Variants in COL9A3 observed in about 807,000 individuals in gnomAD.
COL9A3 encodes the protein collagen type IX alpha 3 chain, also known as collagen alpha-3(IX) chain.
A neutral mutation model predicts 110.2 loss-of-function variants in COL9A3; 82 were observed. The ratio of observed to expected loss-of-function variants is 0.74; its 90% CI spans 0.62 to 0.89. The LOEUF is 0.89. Among genes scored for constraint, COL9A3 ranks in the 40% least tolerant of loss-of-function variants. COL9A3 has a pLI of 0.00. For missense variants in COL9A3, 1,066 were observed against 981.3 expected (o/e 1.09, Z -1.15); for synonymous variants, 494 against 403.8 (o/e 1.22, Z -2.68).
chr20:62,817,498 G>A, intron 1 of COL9A3, 69 bp from the exon 2 acceptor site: 1 of 1,157,716 alleles, frequency 8.6e-7, no homozygotes, highest in South Asian at 1.3e-5. Flanking sequence ...CTCGGGACCC[G>A]GGAGGAGGGG....
chr20:62,836,339 TCGCTTTTCC>T lies in COL9A3; in HGVS notation c.1548+7_1548+15del. 1 of 1,613,750 alleles carries T rather than the reference TCGCTTTTCC, an allele frequency of 6.2e-7. No homozygotes were observed. The highest frequency in any genetic ancestry group is 8.5e-7 in the Non-Finnish European group (1 of 1,180,000). Reference sequence around the variant, plus strand: ...CGGGGAAGCCGGGAGTTCCGGTACGTCGCTTTTCCGGCTTTTCCAGCTTTCACAGGGTTG... The same window carrying T: ...CGGGGAAGCCGGGAGTTCCGGTACGTGGCTTTTCCAGCTTTCACAGGGTTG... On this transcript the variant is annotated splice_region_variant and intron_variant, in intron 28 of 31. Transcript: ENST00000649368.
rs761414928 is a variant in COL9A3 at position 62,824,993 on chromosome 20, A to G, written c.602A>G (p.Gln201Arg). 2.5e-6 allele frequency: 4 copies of G among 1,605,510 alleles called. No individual in the cohort carries two copies. Among genetic ancestry groups the G allele is most frequent in the South Asian group, 1.1e-5 (1 of 90,548 alleles). Residue 201 changes from glutamine (Q) to arginine (R), a missense_variant, in exon 12 of 32, where the codon CAG becomes CGG. By Grantham distance (43) the Gln-to-Arg change is conservative. Transcript: ENST00000649368. ...GGACCCACTGGCTACAAAGGCGAGCAGGGGGAAGTCGGCAAGGACGGCGAG... is the reference window on the plus strand; with the variant it reads ...GGACCCACTGGCTACAAAGGCGAGCGGGGGGAAGTCGGCAAGGACGGCGAG... ...FKGPTGYKGE[Q>R]GEVGKDGEKG...
intron 25 of COL9A3, among the ~76,000 whole-genome samples, chr20:62,832,631 C>T (rs1399275185): frequency 8.5e-6 from 1 of 117,690 alleles, no homozygotes; most frequent in Non-Finnish European, 2.0e-5. Flanking sequence ...GTTCGAAGCA[C>T]TCTTCTTTTT....
chr20:62,835,150 G>A (rs868436161), intron 26 of COL9A3, among the ~76,000 whole-genome samples: 1 of 152,248 alleles, frequency 6.6e-6, no homozygotes, highest in Non-Finnish European at 1.5e-5. Context: ...GGGCCCGGTC[G>A]GTCCCTCTGC....
At chr20:62,819,130 G>C in intron 3 of COL9A3, 92 bp from the exon 4 acceptor site, 6 of 1,271,140 alleles carry the variant, frequency 4.7e-6, no homozygotes, top group African/African-American at 1.5e-5. Flanking sequence ...GGTTGGGCTG[G>C]GGGGAAGTGG....
At chr20:62,824,654 G>C (rs922402281) in intron 11 of COL9A3, among the ~76,000 whole-genome samples, 153 bp downstream of exon 11, 1 of 152,314 alleles carries the variant, frequency 6.6e-6, no homozygotes, top group Non-Finnish European at 1.5e-5. Flanking sequence ...TCCTTGTCCC[G>C]CCTTCAGCAC....
Position 62,818,607 on chromosome 20 carries a change from G to T in COL9A3, c.183+54G>T. On this transcript the variant is annotated intron_variant, in intron 3 of 31. Coordinates refer to ENST00000649368, the MANE Select transcript of COL9A3 (RefSeq NM_001853.4). ...TTTTTCCAGTCTGGAGAGAAAGGGG[G>T]AACTCAGAACAGAGGGGTCATTGAT... 17 of 1,543,964 alleles carry T rather than the reference G, an allele frequency of 1.1e-5. No homozygotes were observed. In the South Asian group the frequency reaches 1.8e-4, roughly 16 times the overall value.
chr20:62,829,096 C>A, intron 19 of COL9A3, 120 bp downstream of exon 19: 1 of 1,142,042 alleles, frequency 8.8e-7, no homozygotes, highest in African/African-American at 1.5e-5. Flanking sequence ...GGTTCTGGGG[C>A]CTGTGTCCAT....
At position 62,830,658 on chromosome 20, in the gene COL9A3, ATG is replaced by A. The variant is rs2063588956; in HGVS notation, c.1287+71_1287+72del. ...CCATGTACCACAGTCCCCCACCCCC[ATG>A]ACAGTCCCCCAACCCCCACCACAGT... On this transcript the variant is annotated intron_variant, in intron 24 of 31. Coordinates refer to ENST00000649368, the MANE Select transcript of COL9A3 (RefSeq NM_001853.4). 1.6e-5 allele frequency: 4 copies of A among 251,922 alleles called. 2 individuals carry two copies. The highest frequency in any genetic ancestry group is 2.1e-5 in the Non-Finnish European group (4 of 190,972). 15.6% of individuals were successfully genotyped at this position (251,922 alleles called of 1,614,324 possible).
At position 62,837,163 on chromosome 20, in the gene COL9A3, C is replaced by T. The variant is rs750055357; in HGVS notation, c.1684C>T (p.Pro562Ser). ...TGGTCGGCCCGGTCCAGCTGGCCCC[C>T]CTGGGCCCCCAGGACCCCCAGGCTC... ...SIGRPGPAGP[P>S]GPPGPPGSIG... Residue 562 changes from proline (P) to serine (S), a missense_variant, in exon 30 of 32, where the codon CCT becomes TCT. Pro to Ser is a moderately conservative substitution (Grantham distance 74, BLOSUM62 -1). Coordinates refer to ENST00000649368, the MANE Select transcript of COL9A3 (RefSeq NM_001853.4). The T allele has an allele frequency of 2.5e-6, 4 of 1,613,004 alleles. No individual in the cohort carries two copies. The highest frequency in any genetic ancestry group is 3.4e-6 in the Non-Finnish European group (4 of 1,179,838).
chr20:62,835,788 G>T, intron 26 of COL9A3, 133 bp from the exon 27 acceptor site: 1 of 899,832 alleles, frequency 1.1e-6, no homozygotes, highest in Non-Finnish European at 1.9e-6. Flanking sequence ...AGAACGGAAG[G>T]AACCACTGTC....
At position 62,837,264 on chromosome 20, in the gene COL9A3, A is replaced by T; in HGVS notation, c.1785A>T (p.Arg595Ser). 6.2e-7 allele frequency: 1 copy of T among 1,609,578 alleles called. No homozygotes were observed. Residue 595 changes from arginine to serine, a missense_variant and splice_region_variant, in exon 30 of 32, where the codon AGA becomes AGT. Physicochemically the swap from Arg to Ser is moderately radical, Grantham distance 110. Transcript: ENST00000649368. ...PTGELGDPGP[R>S]GNQGDRGDKG... The stretch of plus-strand genomic sequence containing the variant: ...GGGAGCTGGGAGACCCCGGGCCCAG[A>T]GGTGAGTGTTTGACCCCATGACACG...
chr20:62,826,782 C>T lies in COL9A3; in HGVS notation c.754C>T (p.Arg252Ter). 2.5e-6 allele frequency: 4 copies of T among 1,612,794 alleles called. No individual in the cohort carries two copies. The highest frequency in any genetic ancestry group is 1.3e-5 in the African/African-American group (1 of 75,046). The change falls in exon 15 of 32, where the codon CGA becomes TGA. Residue 252 changes from arginine (R) to a stop codon, truncating the protein, a stop_gained. Coordinates refer to ENST00000649368, the MANE Select transcript of COL9A3 (RefSeq NM_001853.4). LOFTEE classifies it high-confidence loss of function. ...TCCTCTGCAGGGTCCCATTGGGTTC[C>T]GAGGGCCGCCTGGGATCCCAGGAGC... Reference protein sequence around the residue: ...PPGDRGPIGFRGPPGIPGAPG... With the variant: ...PPGDRGPIGF
intron 17 of COL9A3, 125 bp from the exon 18 acceptor site, chr20:62,828,639 C>G: frequency 9.0e-7 from 1 of 1,106,306 alleles, no homozygotes; most frequent in Non-Finnish European, 1.3e-6. Flanking sequence ...AACCAGATAA[C>G]TGCCAGGGTG....
Position 62,840,893 on chromosome 20 carries a change from A to G in COL9A3, c.*161A>G. 2.7e-6 allele frequency: 2 copies of G among 737,694 alleles called. No individual in the cohort carries two copies. Among genetic ancestry groups the G allele is most frequent in the South Asian group, 1.7e-5 (1 of 58,910 alleles). The allele number at this position is 737,694 out of a possible 1,614,324, so 45.7% of individuals were successfully genotyped here. On this transcript the variant is annotated 3_prime_UTR_variant, in exon 32 of 32. Transcript: ENST00000649368. The stretch of plus-strand genomic sequence containing the variant: ...GCGGGCCTTGCCAGCGAGCACCCTC[A>G]TCGGGCTGTCGCCTGACAGCATACC...
At chr20:62,833,791 G>C (rs2063614572) in intron 26 of COL9A3, among the ~76,000 whole-genome samples, 1 of 151,986 alleles carries the variant, frequency 6.6e-6, no homozygotes, top group Admixed American at 6.6e-5. Context: ...TCTGCCTCCT[G>C]GGTTCAAGCG....
At chr20:62,832,420 C>G (rs1170433367) in intron 25 of COL9A3, among the ~76,000 whole-genome samples, 1 of 152,274 alleles carries the variant, frequency 6.6e-6, no homozygotes, top group Non-Finnish European at 1.5e-5. Flanking sequence ...TCCGCCGCTG[C>G]CTTCCTGGGT....
rs1462378174 is a variant in COL9A3 at position 62,829,616 on chromosome 20, C to T, written c.1054-12C>T. 4 of 1,609,806 alleles carry T rather than the reference C, an allele frequency of 2.5e-6. No homozygotes were observed. The highest frequency in any genetic ancestry group is 2.7e-5 in the African/African-American group (2 of 74,902). ...GTGTAGGCAGGCACTCACAGCTCTC[C>T]TTCCTCTACAGGGCAGAGCTGGGGA... On this transcript the variant is annotated splice_polypyrimidine_tract_variant and intron_variant, in intron 20 of 31. Coordinates refer to ENST00000649368, the MANE Select transcript of COL9A3 (RefSeq NM_001853.4).
chr20:62,836,553 G>C, intron 29 of COL9A3, 21 bp downstream of exon 29: 1 of 1,594,004 alleles, frequency 6.3e-7, no homozygotes, highest in South Asian at 1.1e-5. Flanking sequence ...CACGTGCACC[G>C]GCTGCAGCGG....
Sources: allele counts gnomAD v4.1 joint callset (sites outside exome capture counted in the v4.1 genomes callset), GRCh38; gene constraint gnomAD v4.1.1; transcripts MANE v1.5; gene names NCBI Gene and HGNC (gene_info 2026-07-23, HGNC 2026-07-21).